TPD52L1: variants seen among roughly 807,000 people sequenced by gnomAD.
The protein encoded by TPD52L1 is TPD52 like 1, also known as tumor protein D53.
TPD52L1 carries 18 observed loss-of-function variants against 28.7 expected under a neutral mutation model. That is an observed-to-expected ratio of 0.63 (90% CI 0.43 to 0.93). The LOEUF is 0.93. Among genes scored for constraint, TPD52L1 ranks in the 40% least tolerant of loss-of-function variants. The pLI is 0.00. For synonymous variants in TPD52L1, 75 were observed against 88.8 expected (o/e 0.84, Z 0.88); for missense variants, 203 against 254.8 (o/e 0.80, Z 1.39).
chr6:125,238,344 A>AATT (rs1187978581), intron 3 of TPD52L1, among the ~76,000 whole-genome samples: 1 of 152,144 alleles, frequency 6.6e-6, no homozygotes, highest in African/African-American at 2.4e-5. Flanking sequence ...TTTAGATAAT[A>AATT]ATTTTTTATC....
chr6:125,226,017 G>T (rs1795584904), intron 2 of TPD52L1, among the ~76,000 whole-genome samples: 1 of 152,182 alleles, frequency 6.6e-6, no homozygotes, highest in South Asian at 2.1e-4. Context: ...TGTAAGTAAA[G>T]ACCTCATTGT....
rs577095473 is a variant in TPD52L1 at position 125,193,375 on chromosome 6, G to A, written c.20-26703G>A. ...CTTTCTGGGTAGGGTGGGGTGAGGT[G>A]TGTCCGTTGCTGTCACACTGAGTCA... On this transcript the variant is annotated intron_variant, in intron 1 of 6. Transcript: ENST00000534000. Among the ~76,000 whole-genome samples, 3 of 152,106 alleles carry A rather than the reference G, an allele frequency of 2.0e-5. No homozygotes were observed. In the East Asian group the frequency reaches 5.8e-4, roughly 29 times the overall value.
chr6:125,257,126 G>A lies in TPD52L1; in HGVS notation c.454G>A (p.Glu152Lys). Reference protein sequence around the residue: ...RNSPTFKSFEERVETTVTSLK... With the variant: ...RNSPTFKSFEKRVETTVTSLK... The stretch of plus-strand genomic sequence containing the variant: ...TTCTCCTACTTTCAAATCATTTGAG[G>A]AGAGGGTTGAGACAACTGTCACAAG... Residue 152 changes from glutamate (E) to lysine (K), a missense_variant, in exon 6 of 7, where the codon GAG becomes AAG. Coordinates refer to ENST00000534000, the MANE Select transcript of TPD52L1 (RefSeq NM_003287.4). 6.2e-7 allele frequency: 1 copy of A among 1,611,706 alleles called. No homozygotes were observed. Among genetic ancestry groups the A allele is most frequent in the Non-Finnish European group, 8.5e-7 (1 of 1,178,424 alleles).
chr6:125,251,875 T>G (rs1442603282), intron 4 of TPD52L1: 3 of 695,832 alleles, frequency 4.3e-6, no homozygotes, highest in Non-Finnish European at 7.2e-6. Context: ...CATTAAAAAG[T>G]CAGTGTAATC....
At chr6:125,229,596 T>C (rs1223233436) in intron 3 of TPD52L1, among the ~76,000 whole-genome samples, 3 of 152,210 alleles carry the variant, frequency 2.0e-5, no homozygotes, top group African/African-American at 4.8e-5. Flanking sequence ...CTTTTTCTCA[T>C]AAAAACTATA....
In TPD52L1 at chr6:125,229,256, A is replaced by G; in HGVS notation, c.274A>G (p.Thr92Ala). The change falls in exon 3 of 7, where the codon ACT (threonine) becomes GCT (alanine). Residue 92 changes from threonine to alanine, a missense_variant. By Grantham distance (58) the Thr-to-Ala change is moderately conservative (BLOSUM62 0). Transcript: ENST00000534000. ...NFSKSWHDMQTTTAYKKTHET... is the reference protein window; with the variant it reads ...NFSKSWHDMQATTAYKKTHET... ...CAGCAAAAGCTGGCATGACATGCAG[A>G]CTACCACTGCGTAAGTATCATATGA... 1.2e-6 allele frequency: 2 copies of G among 1,612,896 alleles called. No individual in the cohort carries two copies. Among genetic ancestry groups the G allele is most frequent in the Non-Finnish European group, 1.7e-6 (2 of 1,179,464 alleles).
At chr6:125,209,012 C>T (rs1794338931) in intron 1 of TPD52L1, 1 of 907,910 alleles carries the variant, frequency 1.1e-6, no homozygotes, top group African/African-American at 1.8e-5. Flanking sequence ...AAAATCTTAT[C>T]TCTACCATGT....
chr6:125,240,324 A>G (rs1376969459), intron 3 of TPD52L1, among the ~76,000 whole-genome samples: 1 of 152,070 alleles, frequency 6.6e-6, no homozygotes, highest in Non-Finnish European at 1.5e-5. Flanking sequence ...TGGGGGTTCC[A>G]TGTGAATTTT....
At chr6:125,165,033 A>G (rs1790781681) in intron 1 of TPD52L1, among the ~76,000 whole-genome samples, 1 of 133,930 alleles carries the variant, frequency 7.5e-6, no homozygotes, top group African/African-American at 3.1e-5. Flanking sequence ...GGACCACTTG[A>G]GCTCCAGAGT....
intron 3 of TPD52L1, among the ~76,000 whole-genome samples, chr6:125,231,618 G>A (rs73579712): frequency 0.014 from 2,009 of 148,076 alleles, 9 homozygotes; most frequent in African/African-American, 0.021. Context: ...TTTTGTTGTT[G>A]TTGTTGTTGT....
intron 5 of TPD52L1, 53 bp downstream of exon 5, chr6:125,253,808 GTTATT>G: frequency 6.7e-7 from 1 of 1,497,134 alleles, no homozygotes. Flanking sequence ...TGTTTAAGGT[GTTATT>G]TTATTTATAT....
intron 4 of TPD52L1, among the ~76,000 whole-genome samples, chr6:125,250,676 A>G (rs1401894538): frequency 2.6e-5 from 4 of 152,174 alleles, no homozygotes; most frequent in African/African-American, 4.8e-5. Flanking sequence ...CACATATGCA[A>G]TATGTTGGCA....
At chr6:125,193,270 G>A (rs1030284095) in intron 1 of TPD52L1, among the ~76,000 whole-genome samples, 4 of 152,096 alleles carry the variant, frequency 2.6e-5, no homozygotes, top group African/African-American at 7.2e-5. Context: ...GAAGGACTTC[G>A]GGGCTTTTTT....
chr6:125,170,985 T>A (rs1033102846), intron 1 of TPD52L1, among the ~76,000 whole-genome samples: 1 of 152,148 alleles, frequency 6.6e-6, no homozygotes, highest in Non-Finnish European at 1.5e-5. Context: ...GCTGCCAGAA[T>A]GTGTATTCCT....
intron 3 of TPD52L1, among the ~76,000 whole-genome samples, chr6:125,240,726 A>G (rs1796567965): frequency 6.6e-6 from 1 of 151,784 alleles, no homozygotes; most frequent in Admixed American, 6.6e-5. Flanking sequence ...AGCTTTTTGG[A>G]TGAGTTTTTA....
In TPD52L1 at chr6:125,177,404, T is replaced by G. The variant is rs748755349; in HGVS notation, c.19+23434T>G. Among the ~76,000 whole-genome samples, 73 of 152,200 alleles carry G rather than the reference T, an allele frequency of 4.8e-4. 1 individual carries two copies. Among genetic ancestry groups the G allele is most frequent in the Non-Finnish European group, 9.6e-4 (65 of 68,034 alleles). ...CAACTCTCACAGCATTTTTAATCTT[T>G]TTAATGTCCTTAAAAAGCAGCATCA... On this transcript the variant is annotated intron_variant, in intron 1 of 6. Transcript: ENST00000534000.
At chr6:125,183,410 C>T (rs888795648) in intron 1 of TPD52L1, among the ~76,000 whole-genome samples, 3 of 151,998 alleles carry the variant, frequency 2.0e-5, no homozygotes, top group East Asian at 1.9e-4. Context: ...ACCCAGGAGG[C>T]GGAGGTTGCA....
intron 1 of TPD52L1, among the ~76,000 whole-genome samples, chr6:125,175,051 A>T (rs767818939): frequency 6.6e-6 from 1 of 151,916 alleles, no homozygotes; most frequent in Non-Finnish European, 1.5e-5. Context: ...ATTATCTATC[A>T]CCTTTACTCT....
intron 3 of TPD52L1, among the ~76,000 whole-genome samples, chr6:125,243,757 A>G (rs1181546003): frequency 6.6e-6 from 1 of 152,044 alleles, no homozygotes; most frequent in Non-Finnish European, 1.5e-5. Context: ...TTTCTCTTGT[A>G]TCTCCTTGAG....
Sources: gnomAD v4.1 joint callset for allele counts (sites outside exome capture counted in the v4.1 genomes callset) on GRCh38, gnomAD v4.1.1 for gene constraint, MANE v1.5 for transcripts, NCBI Gene and HGNC (gene_info 2026-07-23, HGNC 2026-07-21) for gene names.